The following PARL variants were observed in gnomAD, a reference collection of about 807,000 sequenced individuals.
The protein encoded by PARL is presenilin-associated rhomboid-like protein, mitochondrial.
In PARL, 44 loss-of-function variants were observed where a neutral mutation model predicts 51.6. That is an observed-to-expected ratio of 0.85 (90% confidence interval 0.67 to 1.10). PARL has a LOEUF of 1.10. PARL is among the 50% of genes least tolerant of loss of function. PARL has a pLI of 0.00. For missense variants in PARL, 441 were observed against 469.5 expected, an observed-to-expected ratio of 0.94 and a Z score of 0.56; for synonymous variants, 172 against 164.0, an observed-to-expected ratio of 1.05 and a Z score of -0.37.
chr3:183,857,882 G>A (rs943884133), intron 4 of PARL, among the ~76,000 whole-genome samples: 2 of 152,076 alleles, frequency 1.3e-5, no homozygotes, highest in African/African-American at 4.8e-5. Flanking sequence ...AATTAATGGT[G>A]GTTTGCTATT....
At chr3:183,855,522 CA>C (rs1341966210) in intron 4 of PARL, among the ~76,000 whole-genome samples, 5 of 152,094 alleles carry the variant, frequency 3.3e-5, no homozygotes, top group African/African-American at 1.2e-4. Flanking sequence ...TTCCATAGAC[CA>C]GGGGTGGGGG....
intron 4 of PARL, among the ~76,000 whole-genome samples, chr3:183,845,741 G>T (rs1178062810): frequency 1.3e-5 from 2 of 152,196 alleles, no homozygotes; most frequent in African/African-American, 4.8e-5. Flanking sequence ...GGAGTCTTGG[G>T]AGGTTTACCC....
At chr3:183,867,632 GGAGCTTGCAGTGA>G (rs2108680455) in intron 2 of PARL, among the ~76,000 whole-genome samples, 1 of 151,942 alleles carries the variant, frequency 6.6e-6, no homozygotes, top group Admixed American at 6.6e-5. Flanking sequence ...CCCAGGAGGT[GGAGCTTGCAGTGA>G]GCCGAGATCG....
intron 7 of PARL, among the ~76,000 whole-genome samples, chr3:183,836,811 T>C (rs972114430): frequency 9.9e-5 from 15 of 152,240 alleles, no homozygotes; most frequent in African/African-American, 3.6e-4. Context: ...TGGCACGATC[T>C]CACTGCAACC....
intron 1 of PARL, chr3:183,879,670 T>G (rs1459585839): frequency 1.3e-6 from 1 of 795,288 alleles, no homozygotes; most frequent in Admixed American, 7.4e-5. Flanking sequence ...TTATTACATA[T>G]TATATAAGGT....
At chr3:183,865,805 T>C (rs1461891460) in intron 3 of PARL, among the ~76,000 whole-genome samples, 1 of 152,120 alleles carries the variant, frequency 6.6e-6, no homozygotes, top group African/African-American at 2.4e-5. Flanking sequence ...TGAGATCCAC[T>C]GAGATCCTTA....
At chr3:183,862,848 C>T in intron 3 of PARL, 47 bp from the exon 4 acceptor site, 1 of 1,508,450 alleles carries the variant, frequency 6.6e-7, no homozygotes, top group Non-Finnish European at 9.2e-7. Context: ...AAATTTCAGG[C>T]TACAAAAATG....
intron 9 of PARL, 139 bp downstream of exon 9, chr3:183,833,353 C>T (rs990516321): frequency 5.5e-5 from 39 of 709,262 alleles, no homozygotes; most frequent in Non-Finnish European, 3.1e-5. Context: ...TTTCCTCACC[C>T]TCCCAAGCCC....
At chr3:183,880,497 G>A (rs1734321142) in intron 1 of PARL, among the ~76,000 whole-genome samples, 1 of 152,038 alleles carries the variant, frequency 6.6e-6, no homozygotes, top group African/African-American at 2.4e-5. Context: ...CGCTTCCCGG[G>A]TTCAGGCGAT....
chr3:183,833,628 G>A, intron 8 of PARL, 39 bp from the exon 9 acceptor site: 1 of 1,510,262 alleles, frequency 6.6e-7, no homozygotes. Flanking sequence ...AACTGTGATT[G>A]CTCCAGCACT....
At chr3:183,863,428 GATA>G (rs538482572) in intron 3 of PARL, among the ~76,000 whole-genome samples, 156 of 152,120 alleles carry the variant, frequency 1.0e-3, no homozygotes, top group African/African-American at 3.7e-3. Flanking sequence ...GAAGCTGGAC[GATA>G]ATGATTCATC....
At chr3:183,859,931 C>G (rs1003570590) in intron 4 of PARL, among the ~76,000 whole-genome samples, 1 of 152,002 alleles carries the variant, frequency 6.6e-6, no homozygotes, top group Non-Finnish European at 1.5e-5. Flanking sequence ...AATCTTTAAC[C>G]GACTAGAGCT....
At chr3:183,871,181 T>A (rs377692919) in intron 1 of PARL, among the ~76,000 whole-genome samples, 25 of 152,166 alleles carry the variant, frequency 1.6e-4, no homozygotes, top group African/African-American at 6.0e-4. Context: ...ATACTCAAAG[T>A]AAGGTGGTAC....
intron 7 of PARL, among the ~76,000 whole-genome samples, chr3:183,840,362 C>G (rs2108605296): frequency 6.6e-6 from 1 of 152,280 alleles, no homozygotes; most frequent in Non-Finnish European, 1.5e-5. Flanking sequence ...TATAGCCGGA[C>G]ATTTACAAAG....
At chr3:183,843,804 C>G (rs867202682) in intron 5 of PARL, among the ~76,000 whole-genome samples, 4 of 151,996 alleles carry the variant, frequency 2.6e-5, no homozygotes, top group African/African-American at 9.7e-5. Context: ...GCACTCCAGC[C>G]GAGCCAGGCA....
chr3:183,873,890 T>C (rs1733498369), intron 1 of PARL, among the ~76,000 whole-genome samples: 1 of 152,118 alleles, frequency 6.6e-6, no homozygotes, highest in South Asian at 2.1e-4. Context: ...AAGAGTACAT[T>C]ACACAAGCTG....
At chr3:183,852,706 A>G (rs1277963296) in intron 4 of PARL, among the ~76,000 whole-genome samples, 1 of 152,188 alleles carries the variant, frequency 6.6e-6, no homozygotes, top group Non-Finnish European at 1.5e-5. Flanking sequence ...ACTTAAAGCA[A>G]CTAAAGTGTG....
At position 183,844,314 on chromosome 3, in the gene PARL, G is replaced by GC. The variant is rs760646485; in HGVS notation, c.523dup (p.Ala175GlyfsTer90). ...CCATAAACAGAATACAAGGACATTT[G>GC]CAGCTATAATACCTACAAAATAAAT... On this transcript the variant is annotated frameshift_variant, in exon 5 of 10. Coordinates refer to ENST00000317096, the MANE Select transcript of PARL (RefSeq NM_018622.7). LOFTEE classifies it high-confidence loss of function. 1 of 1,587,340 alleles carries GC rather than the reference G, an allele frequency of 6.3e-7. No individual in the cohort carries two copies. The highest frequency in any genetic ancestry group is 8.7e-7 in the Non-Finnish European group (1 of 1,155,584).
intron 4 of PARL, among the ~76,000 whole-genome samples, chr3:183,854,998 AAC>A (rs1378696360): frequency 2.0e-5 from 3 of 152,226 alleles, no homozygotes; most frequent in Non-Finnish European, 4.4e-5. Flanking sequence ...TATATACTGC[AAC>A]ACGAGTGAAC....
Sources: allele counts gnomAD v4.1 joint callset (sites outside exome capture counted in the v4.1 genomes callset), GRCh38; gene constraint gnomAD v4.1.1; transcripts MANE v1.5; gene names NCBI Gene and HGNC (gene_info 2026-07-23, HGNC 2026-07-21).